The following KCNIP3 variants were observed in gnomAD, a reference collection of about 807,000 sequenced individuals.
KCNIP3 encodes calsenilin.
KCNIP3 carries 28 observed loss-of-function variants against 35.0 expected under a neutral mutation model. The observed-to-expected ratio is 0.80, with a 90% CI of 0.59 to 1.10. The LOEUF is 1.10. Ranked by LOEUF, KCNIP3 falls within the 50% of genes least tolerant of loss-of-function variation. The pLI is 0.00. For synonymous variants in KCNIP3, 134 were observed against 133.8 expected, an observed-to-expected ratio of 1.00 and a Z score of -0.01; for missense variants, 295 against 338.4, an observed-to-expected ratio of 0.87 and a Z score of 1.01.
intron 2 of KCNIP3, among the ~76,000 whole-genome samples, chr2:95,326,606 C>CT (rs1558764411): frequency 6.6e-6 from 1 of 152,172 alleles, no homozygotes; most frequent in African/African-American, 2.4e-5. Flanking sequence ...GCGGTGGGAA[C>CT]GCCCATGGTG....
chr2:95,364,273 C>T (rs981115953), intron 2 of KCNIP3, among the ~76,000 whole-genome samples: 5 of 152,112 alleles, frequency 3.3e-5, no homozygotes, highest in African/African-American at 1.2e-4. Flanking sequence ...ATCAAATGCC[C>T]TTTCTGCATT....
chr2:95,319,379 G>C (rs1431282133), intron 2 of KCNIP3, among the ~76,000 whole-genome samples: 1 of 152,192 alleles, frequency 6.6e-6, no homozygotes, highest in Non-Finnish European at 1.5e-5. Flanking sequence ...CCTTAGCGGT[G>C]CCTTAGGCTC....
At chr2:95,316,257 C>T (rs549958553) in intron 2 of KCNIP3, among the ~76,000 whole-genome samples, 5 of 152,360 alleles carry the variant, frequency 3.3e-5, no homozygotes, top group South Asian at 4.1e-4. Context: ...CCTGCACCTG[C>T]GGAACAGCCT....
At chr2:95,362,764 G>T (rs1352003941) in intron 2 of KCNIP3, among the ~76,000 whole-genome samples, 2 of 152,148 alleles carry the variant, frequency 1.3e-5, no homozygotes, top group East Asian at 1.9e-4. Context: ...CTGCTGTGCA[G>T]CCCAGTTCCT....
intron 2 of KCNIP3, chr2:95,310,847 CTGAG>C (rs1678295078): frequency 2.6e-6 from 1 of 383,596 alleles, no homozygotes; most frequent in African/African-American, 2.1e-5. Context: ...TGCTCACGCC[CTGAG>C]TAAGCCGGGG....
At position 95,384,323 on chromosome 2, in the gene KCNIP3, T is replaced by G; in HGVS notation, c.*274T>G. On this transcript the variant is annotated 3_prime_UTR_variant, in exon 9 of 9. Transcript: ENST00000295225. ...CAGGCCAGCGAGGCGAGGCTGCCTC[T>G]GGGTGAGTGGCTGACAGAGCAGGTC... is the stretch of plus-strand genomic sequence containing the variant. 2.0e-6 allele frequency: 1 copy of G among 510,702 alleles called. No individual in the cohort carries two copies. Among genetic ancestry groups the G allele is most frequent in the Non-Finnish European group, 3.5e-6 (1 of 283,638 alleles). The allele number at this position is 510,702 out of a possible 1,614,324, so 31.6% of individuals were successfully genotyped here. A position where few individuals can be genotyped will look rare whatever the true frequency, so the allele number is the denominator to read the frequency against.
In KCNIP3 at chr2:95,382,043, C is replaced by G. The variant is rs373577656; in HGVS notation, c.556-334C>G. ...CCCCCATCAAGTGAAGGGGGCAGTG[C>G]GGTCCCTTAAGGCATGGGTGGAGAG... is the stretch of plus-strand genomic sequence containing the variant. On this transcript the variant is annotated intron_variant, in intron 6 of 8. Coordinates refer to ENST00000295225, the MANE Select transcript of KCNIP3 (RefSeq NM_013434.5). This position sits in a 1 kb window ranked among gnomAD's most constrained non-coding sequence, Gnocchi z 4.5. 2.0e-5 allele frequency among the ~76,000 whole-genome samples: 3 copies of G among 152,228 alleles called. No individual in the cohort carries two copies. Among genetic ancestry groups the G allele is most frequent in the Admixed American group, 2.0e-4 (3 of 15,286 alleles).
At position 95,309,769 on chromosome 2, in the gene KCNIP3, A is replaced by G. The variant is rs142957782; in HGVS notation, c.16-586A>G. ...CCACCCATGACTCACTCCTCCCAAG[A>G]CTCTCCTGCCCATAGCTGGAGCTGT... On this transcript the variant is annotated intron_variant, in intron 1 of 8. Coordinates refer to ENST00000295225, the MANE Select transcript of KCNIP3 (RefSeq NM_013434.5). 4.8e-3 allele frequency among the ~76,000 whole-genome samples: 734 copies of G among 151,454 alleles called. 6 individuals carry two copies. Among genetic ancestry groups the G allele is most frequent in the African/African-American group, 0.017 (687 of 41,246 alleles).
intron 2 of KCNIP3, among the ~76,000 whole-genome samples, chr2:95,366,872 G>A (rs986012324): frequency 3.3e-5 from 5 of 152,108 alleles, no homozygotes; most frequent in African/African-American, 1.2e-4. Flanking sequence ...TTACTAATTT[G>A]AGTTCTTTGA....
At chr2:95,327,984 T>C (rs1678835481) in intron 2 of KCNIP3, among the ~76,000 whole-genome samples, 1 of 152,222 alleles carries the variant, frequency 6.6e-6, no homozygotes, top group Non-Finnish European at 1.5e-5. Context: ...AGACCTGACC[T>C]GGGGAGATTT....
At chr2:95,362,344 G>T (rs1679819847) in intron 2 of KCNIP3, among the ~76,000 whole-genome samples, 1 of 152,106 alleles carries the variant, frequency 6.6e-6, no homozygotes, top group African/African-American at 2.4e-5. Context: ...GACCTCAGGT[G>T]ATCCGCCCAC....
chr2:95,349,089 C>CA (rs1478069871), intron 2 of KCNIP3, among the ~76,000 whole-genome samples: 1 of 150,722 alleles, frequency 6.6e-6, no homozygotes, highest in African/African-American at 2.4e-5. Flanking sequence ...ACTCAGACAC[C>CA]CCCCCCCGCC....
intron 2 of KCNIP3, among the ~76,000 whole-genome samples, chr2:95,315,077 GT>G (rs1229916632): frequency 6.6e-6 from 1 of 152,158 alleles, no homozygotes; most frequent in Non-Finnish European, 1.5e-5. Context: ...GCTCTATTCC[GT>G]GGTGAAATGA....
rs1366090692 is a variant in KCNIP3 at position 95,377,314 on chromosome 2, C to T, written c.447+2106C>T. ...GCAGCCAGGCAGGCATCTGGAGGTG[C>T]GGCCGCTTCTCTGTTACCTCCCCCG... is the stretch of plus-strand genomic sequence containing the variant. On this transcript the variant is annotated intron_variant, in intron 5 of 8. Coordinates refer to ENST00000295225, the MANE Select transcript of KCNIP3 (RefSeq NM_013434.5). The surrounding 1 kb of genome is among the most constrained non-coding windows in gnomAD (Gnocchi z 4.7). Among the ~76,000 whole-genome samples the T allele has an allele frequency of 4.6e-5, 7 of 152,252 alleles. No homozygotes were observed. Among genetic ancestry groups the T allele is most frequent in the East Asian group, 1.9e-4 (1 of 5,194 alleles).
At chr2:95,383,524 C>A (rs1680403206) in intron 8 of KCNIP3, among the ~76,000 whole-genome samples, 1 of 144,698 alleles carries the variant, frequency 6.9e-6, no homozygotes, top group Non-Finnish European at 1.5e-5. Flanking sequence ...CCCCCCACTA[C>A]CCCCACACCC....
chr2:95,382,232 C>A lies in KCNIP3; in HGVS notation c.556-145C>A. 1 of 481,018 alleles carries A rather than the reference C, an allele frequency of 2.1e-6. No homozygotes were observed. The allele number at this position is 481,018 out of a possible 1,614,324, so 29.8% of individuals were successfully genotyped here. A position where few individuals can be genotyped will look rare whatever the true frequency, so the allele number is the denominator to read the frequency against. On this transcript the variant is annotated intron_variant, in intron 6 of 8. Transcript: ENST00000295225. The surrounding 1 kb of genome is among the most constrained non-coding windows in gnomAD (Gnocchi z 4.5). ...AAGCTCGCTCTGGGTGCCCTGGAAG[C>A]GGACAGGCTTCTCTCTCCAGCTCGT...
intron 2 of KCNIP3, among the ~76,000 whole-genome samples, chr2:95,340,570 G>C (rs1293520805): frequency 6.6e-6 from 1 of 152,230 alleles, no homozygotes; most frequent in Non-Finnish European, 1.5e-5. Context: ...CTTTTCTGTT[G>C]CCAGCAATTT....
intron 2 of KCNIP3, among the ~76,000 whole-genome samples, chr2:95,333,640 A>G (rs1678987664): frequency 6.6e-6 from 1 of 152,182 alleles, no homozygotes; most frequent in African/African-American, 2.4e-5. Flanking sequence ...AGCTCGTAGG[A>G]GCATGGTGAG....
At chr2:95,340,783 A>G (rs1183492977) in intron 2 of KCNIP3, among the ~76,000 whole-genome samples, 1 of 152,230 alleles carries the variant, frequency 6.6e-6, no homozygotes, top group East Asian at 1.9e-4. Flanking sequence ...GTTAAGGCAG[A>G]TGCTCTAAAG....
Sources: gnomAD v4.1 joint callset for allele counts (sites outside exome capture counted in the v4.1 genomes callset) on GRCh38, gnomAD v4.1.1 for gene constraint, Gnocchi (gnomAD v3.1) non-coding constraint, MANE v1.5 for transcripts, NCBI Gene and HGNC (gene_info 2026-07-23, HGNC 2026-07-21) for gene names.